PPP4R1: variants seen among roughly 807,000 people sequenced by gnomAD.
PPP4R1 encodes the protein protein phosphatase 4 regulatory subunit 1, also known as serine/threonine-protein phosphatase 4 regulatory subunit 1.
PPP4R1 carries 42 observed loss-of-function variants against 111.2 expected under a neutral mutation model. That is an observed-to-expected ratio of 0.38 (90% CI 0.29 to 0.49). The LOEUF is 0.49. PPP4R1 is among the 20% of genes least tolerant of loss of function. The probability of loss-of-function intolerance (pLI) is 0.97; values close to 1 mark genes in which losing one functional copy is unlikely to be tolerated. For synonymous variants in PPP4R1, 409 were observed against 405.5 expected, an observed-to-expected ratio of 1.01 and a Z score of -0.10; for missense variants, 1,012 against 1,161.6, an observed-to-expected ratio of 0.87 and a Z score of 1.87.
rs2066420946 is a variant in PPP4R1 at position 9,547,682 on chromosome 18, A to C, written c.*107T>G. On this transcript the variant is annotated 3_prime_UTR_variant, in exon 20 of 20. Coordinates refer to ENST00000400556, the MANE Select transcript of PPP4R1 (RefSeq NM_001042388.3). Reference sequence around the variant, plus strand: ...GCACCTGCAATGAAGTCCGCAGGAGAGGAAGGTCTCTCCTCCCCCGAAAGC... The same window carrying C: ...GCACCTGCAATGAAGTCCGCAGGAGCGGAAGGTCTCTCCTCCCCCGAAAGC... The C allele has an allele frequency of 5.8e-6, 8 of 1,372,604 alleles. No individual in the cohort carries two copies. The East Asian group carries it at 1.6e-4, about 28-fold the overall frequency. 85.0% of individuals were successfully genotyped at this position (1,372,604 alleles called of 1,614,324 possible).
At chr18:9,582,644 G>A (rs2067048412) in intron 9 of PPP4R1, among the ~76,000 whole-genome samples, 1 of 152,100 alleles carries the variant, frequency 6.6e-6, no homozygotes, top group Non-Finnish European at 1.5e-5. Context: ...CCCAAAAACA[G>A]TAGAGGAGGG....
chr18:9,580,528 T>A (rs2067011315), intron 9 of PPP4R1, among the ~76,000 whole-genome samples: 2 of 152,098 alleles, frequency 1.3e-5, no homozygotes, highest in African/African-American at 4.8e-5. Context: ...TTTTTGTATT[T>A]GTTAGTAGAG....
intron 2 of PPP4R1, among the ~76,000 whole-genome samples, chr18:9,612,013 C>CAA (rs34046569): frequency 4.3e-4 from 62 of 145,746 alleles, no homozygotes; most frequent in African/African-American, 6.0e-4. Context: ...AACTCCATCT[C>CAA]AAAAAAAAAA....
rs367902504 is a variant in PPP4R1, at chr18:9,584,807, T to A, written c.607A>T (p.Met203Leu). The change falls in exon 7 of 20, where the codon ATG becomes TTG. Residue 203 changes from methionine to leucine, a missense_variant. Transcript: ENST00000400556. The part of the protein sequence containing the change: ...AVAIMCKMAP[M>L]VGKDITERLI... The stretch of plus-strand genomic sequence containing the variant: ...CGCTCTGTAATATCCTTCCCAACCA[T>A]GGGAGCCATTTTGCACATTATCTAA... The A allele has an allele frequency of 5.4e-5, 87 of 1,612,446 alleles. No individual in the cohort carries two copies. The highest frequency in any genetic ancestry group is 7.0e-5 in the Non-Finnish European group (82 of 1,179,074).
At chr18:9,603,453 T>C (rs754745160) in intron 2 of PPP4R1, among the ~76,000 whole-genome samples, 13 of 152,162 alleles carry the variant, frequency 8.5e-5, no homozygotes, top group Non-Finnish European at 1.8e-4. Context: ...GTATTAATAA[T>C]GGAAACTCAA....
At chr18:9,594,065 C>G (rs2067254264) in intron 3 of PPP4R1, 191 bp from the exon 4 acceptor site, 1 of 509,446 alleles carries the variant, frequency 2.0e-6, no homozygotes, top group Non-Finnish European at 3.6e-6. Context: ...GTAGCTGAGA[C>G]TACAGGCATG....
rs1020453496 is a variant in PPP4R1 at position 9,562,058 on chromosome 18, A to C, written c.1764T>G (p.Leu588=). The change falls in exon 13 of 20, where the codon CTT becomes CTG. Residue 588 remains leucine, a synonymous_variant. Transcript: ENST00000400556. ...AGTCTGAATCGCTGTGAATATAGTG[A>C]AGAGTGGAGTCCATATTCTGTTAGG... ...SDAVENMDST[L]HYIHSDSDLS... 2.5e-6 allele frequency: 4 copies of C among 1,611,458 alleles called. No homozygotes were observed. Among genetic ancestry groups the C allele is most frequent in the Non-Finnish European group, 3.4e-6 (4 of 1,177,820 alleles).
chr18:9,554,317 C>T lies in PPP4R1; in HGVS notation c.2191-895G>A, dbSNP rs1050445260. Among the ~76,000 whole-genome samples the T allele has an allele frequency of 1.1e-4, 17 of 151,838 alleles. No individual in the cohort carries two copies. The South Asian group carries it at 2.1e-3, about 19-fold the overall frequency. ...TAATTTTTTGTATCTTTAGTAGAGA[C>T]GGGGATTCACCGTGTTAGCCAGGAT... is the stretch of plus-strand genomic sequence containing the variant. On this transcript the variant is annotated intron_variant, in intron 15 of 19. Transcript: ENST00000400556.
At chr18:9,553,902 G>A (rs749805462) in intron 15 of PPP4R1, among the ~76,000 whole-genome samples, 5 of 152,136 alleles carry the variant, frequency 3.3e-5, no homozygotes, top group South Asian at 2.1e-4. Context: ...GTTTATAAAC[G>A]GAAGCAAACC....
At chr18:9,559,181 C>A (rs1037609860) in intron 14 of PPP4R1, among the ~76,000 whole-genome samples, 3 of 152,130 alleles carry the variant, frequency 2.0e-5, no homozygotes, top group African/African-American at 7.2e-5. Flanking sequence ...GGAATGTAGG[C>A]ATGTTGAATG....
chr18:9,607,638 C>T (rs1257259290), intron 2 of PPP4R1, among the ~76,000 whole-genome samples: 2 of 152,072 alleles, frequency 1.3e-5, no homozygotes, highest in Non-Finnish European at 1.5e-5. Context: ...TACTATTATA[C>T]ATTTAATAAG....
In PPP4R1 at chr18:9,581,876, C is replaced by T. The variant is rs143052159; in HGVS notation, c.918+1241G>A. 3.9e-5 allele frequency among the ~76,000 whole-genome samples: 6 copies of T among 152,072 alleles called. No homozygotes were observed. The South Asian group carries it at 6.2e-4, about 16-fold the overall frequency. The stretch of plus-strand genomic sequence containing the variant: ...ACAAGGGAACCCCAATATGATTAAC[C>T]GCTGACTTCACAGTAGAAACAGAAG... On this transcript the variant is annotated intron_variant, in intron 9 of 19. Coordinates refer to ENST00000400556, the MANE Select transcript of PPP4R1 (RefSeq NM_001042388.3).
At chr18:9,599,841 A>G (rs2067350577) in intron 2 of PPP4R1, 2 of 152,212 alleles carry the variant, frequency 1.3e-5, no homozygotes, top group African/African-American at 4.8e-5. Flanking sequence ...GCCCATAAAA[A>G]GCAAAGGGCA....
At chr18:9,550,740 G>A in intron 16 of PPP4R1, 1 of 195,452 alleles carries the variant, frequency 5.1e-6, no homozygotes, top group Non-Finnish European at 1.0e-5. Flanking sequence ...GTGCTGAGAA[G>A]CTTCCATCTA....
Position 9,554,150 on chromosome 18 carries a change from C to CA in PPP4R1, c.2191-729dup, listed in dbSNP as rs2066531635. 7.6e-5 allele frequency among the ~76,000 whole-genome samples: 11 copies of CA among 144,100 alleles called. No homozygotes were observed. The South Asian group carries it at 2.4e-3, about 32-fold the overall frequency. The allele number at this position is 144,100 out of a possible 152,430, so 94.5% of individuals were successfully genotyped here. On this transcript the variant is annotated intron_variant, in intron 15 of 19. Transcript: ENST00000400556. ...TAATTTTTTTTTTTTTTTTTTGAGA[C>CA]AGTGTCTCACTCTGTGGTCCAGGCT...
chr18:9,560,177 G>C (rs935702678), intron 13 of PPP4R1, among the ~76,000 whole-genome samples: 3 of 152,134 alleles, frequency 2.0e-5, no homozygotes, highest in East Asian at 3.9e-4. Flanking sequence ...ATACTCGGGA[G>C]GCTGAGGTGG....
intron 9 of PPP4R1, among the ~76,000 whole-genome samples, chr18:9,580,023 C>G (rs1192120720): frequency 6.6e-6 from 1 of 152,092 alleles, no homozygotes; most frequent in East Asian, 1.9e-4. Context: ...CATAGCTTCA[C>G]AAAGAAAATT....
rs552041000 is a variant in PPP4R1 at position 9,559,975 on chromosome 18, C to T, written c.1843-371G>A. The stretch of plus-strand genomic sequence containing the variant: ...CAAATGCAGAATAACAGGTGCTCTG[C>T]GTGATTTGCAACATGTTCATTAAAA... On this transcript the variant is annotated intron_variant, in intron 13 of 19. Coordinates refer to ENST00000400556, the MANE Select transcript of PPP4R1 (RefSeq NM_001042388.3). 8.5e-5 allele frequency among the ~76,000 whole-genome samples: 13 copies of T among 152,184 alleles called. No homozygotes were observed. The South Asian group carries it at 1.9e-3, about 22-fold the overall frequency.
At chr18:9,613,432 T>C (rs995199769) in intron 2 of PPP4R1, 2 of 152,100 alleles carry the variant, frequency 1.3e-5, no homozygotes, top group African/African-American at 4.8e-5. Flanking sequence ...AGACGAAAAA[T>C]TCCTTTCTAA....
Sources: gnomAD v4.1 joint callset for allele counts (sites outside exome capture counted in the v4.1 genomes callset) on GRCh38, gnomAD v4.1.1 for gene constraint, MANE v1.5 for transcripts, NCBI Gene and HGNC (gene_info 2026-07-23, HGNC 2026-07-21) for gene names.